The following GSTCD variants were observed in gnomAD, a reference collection of about 807,000 sequenced individuals.
GSTCD encodes glutathione S-transferase C-terminal domain-containing protein.
In GSTCD, 44 loss-of-function variants were observed where a neutral mutation model predicts 68.3. That is an observed-to-expected ratio of 0.64 (90% CI 0.51 to 0.83). The LOEUF (loss-of-function observed/expected upper bound fraction) is 0.83. Among genes scored for constraint, GSTCD ranks in the 40% least tolerant of loss-of-function variants. The pLI is 0.00. For synonymous variants in GSTCD, 273 were observed against 255.2 expected, an observed-to-expected ratio of 1.07 and a Z score of -0.67; for missense variants, 739 against 735.9, an observed-to-expected ratio of 1.00 and a Z score of -0.05.
intron 3 of GSTCD, among the ~76,000 whole-genome samples, chr4:105,724,418 T>G (rs529231275): frequency 1.3e-5 from 2 of 151,882 alleles, no homozygotes; most frequent in African/African-American, 4.8e-5. Context: ...AAAAAAAAAT[T>G]CTATAGTGCT....
intron 5 of GSTCD, among the ~76,000 whole-genome samples, chr4:105,819,383 CACATACTT>C (rs1723163143): frequency 6.6e-6 from 1 of 151,832 alleles, no homozygotes; most frequent in Non-Finnish European, 1.5e-5. Context: ...ATCTTCAATG[CACATACTT>C]TTGCACATAA....
At chr4:105,815,031 G>A (rs1203627736) in intron 5 of GSTCD, 1 of 152,204 alleles carries the variant, frequency 6.6e-6, no homozygotes, top group Non-Finnish European at 1.5e-5. Context: ...ACTATCTCAT[G>A]TATAGGTAGG....
rs1251033539 is a variant in GSTCD at position 105,847,444 on chromosome 4, A to G, written c.*1867A>G. On this transcript the variant is annotated 3_prime_UTR_variant, in exon 12 of 12. Transcript: ENST00000515279. ...ATTGTGGACTTTCTTCTTTTAAGTG[A>G]GGTTTAATTTATATACAATACAATA... The G allele has an allele frequency of 6.6e-6, 1 of 152,190 alleles. No homozygotes were observed. The highest frequency in any genetic ancestry group is 6.5e-5 in the Admixed American group (1 of 15,278). 9.4% of individuals were successfully genotyped at this position (152,190 alleles called of 1,614,324 possible).
intron 5 of GSTCD, among the ~76,000 whole-genome samples, chr4:105,798,544 G>A (rs1735989025): frequency 6.6e-6 from 1 of 152,142 alleles, no homozygotes; most frequent in Non-Finnish European, 1.5e-5. Context: ...CTTGAACCAT[G>A]AGCTGCAGAA....
At position 105,781,412 on chromosome 4, in the gene GSTCD, T is replaced by C. The variant is rs531415940; in HGVS notation, c.1241-41542T>C. Among the ~76,000 whole-genome samples, 565 of 125,462 alleles carry C rather than the reference T, an allele frequency of 4.5e-3. 5 individuals are homozygous for C. Among genetic ancestry groups the C allele is most frequent in the African/African-American group, 0.015 (537 of 35,526 alleles). 82.3% of individuals were successfully genotyped at this position (125,462 alleles called of 152,430 possible). On this transcript the variant is annotated intron_variant, in intron 5 of 11. Coordinates refer to ENST00000515279, the MANE Select transcript of GSTCD (RefSeq NM_001370181.1). ...ACAGGCGTGTGCCATCATGCTCAGC[T>C]TTTTTTTTTTTTTTAAAGTTTTTGT...
At chr4:105,740,107 C>T (rs956850904) in intron 5 of GSTCD, among the ~76,000 whole-genome samples, 1 of 152,028 alleles carries the variant, frequency 6.6e-6, no homozygotes, top group African/African-American at 2.4e-5. Context: ...AAGCAACACT[C>T]CAACATTAGT....
intron 5 of GSTCD, among the ~76,000 whole-genome samples, chr4:105,743,316 A>C (rs1237055469): frequency 6.6e-6 from 1 of 152,066 alleles, no homozygotes; most frequent in Non-Finnish European, 1.5e-5. Context: ...TTATTTATGT[A>C]CATGTTTTTT....
At chr4:105,804,330 T>A (rs1039016629) in intron 5 of GSTCD, among the ~76,000 whole-genome samples, 1 of 152,082 alleles carries the variant, frequency 6.6e-6, no homozygotes, top group Non-Finnish European at 1.5e-5. Context: ...TGAAAAGGAA[T>A]TATTCAAAAT....
intron 8 of GSTCD, 100 bp downstream of exon 8, chr4:105,825,900 C>A: frequency 1.5e-6 from 1 of 650,280 alleles, no homozygotes; most frequent in Non-Finnish European, 2.5e-6. Context: ...CTTTGCCAAA[C>A]AAATTTATAA....
chr4:105,826,379 T>C (rs1723608895), intron 8 of GSTCD, among the ~76,000 whole-genome samples: 1 of 152,106 alleles, frequency 6.6e-6, no homozygotes, highest in Non-Finnish European at 1.5e-5. Context: ...GGTTTTATTA[T>C]TTTTTGTAGA....
chr4:105,742,570 G>A (rs1310893646), intron 5 of GSTCD, among the ~76,000 whole-genome samples: 1 of 152,152 alleles, frequency 6.6e-6, no homozygotes, highest in Non-Finnish European at 1.5e-5. Flanking sequence ...GGTACAGTCG[G>A]TGCATTAATA....
At chr4:105,718,164 C>A (rs1732743521) in intron 2 of GSTCD, 125 bp downstream of exon 2, 1 of 738,306 alleles carries the variant, frequency 1.4e-6, no homozygotes, top group Non-Finnish European at 2.1e-6. Context: ...CCCCAGTAAC[C>A]AATGAAATAA....
intron 3 of GSTCD, among the ~76,000 whole-genome samples, chr4:105,725,026 T>C (rs1394649877): frequency 6.6e-6 from 1 of 151,888 alleles, no homozygotes; most frequent in Non-Finnish European, 1.5e-5. Context: ...TATAGAGGAG[T>C]TCTTAGAGAG....
At chr4:105,795,706 C>G (rs1369974435) in intron 5 of GSTCD, among the ~76,000 whole-genome samples, 1 of 152,156 alleles carries the variant, frequency 6.6e-6, no homozygotes, top group South Asian at 2.1e-4. Context: ...GATCCCTTCT[C>G]AGCTCCAGCC....
At chr4:105,723,426 T>G (rs1732934322) in intron 3 of GSTCD, among the ~76,000 whole-genome samples, 1 of 151,902 alleles carries the variant, frequency 6.6e-6, no homozygotes, top group African/African-American at 2.4e-5. Context: ...TGTACTGACT[T>G]TTTTCTTGTC....
chr4:105,824,775 C>A (rs1723501017), intron 7 of GSTCD, among the ~76,000 whole-genome samples: 1 of 152,040 alleles, frequency 6.6e-6, no homozygotes, highest in Admixed American at 6.6e-5. Context: ...CCCTTTACAC[C>A]CTGTCCCCCC....
chr4:105,806,908 C>T (rs1424542013), intron 5 of GSTCD, among the ~76,000 whole-genome samples: 1 of 152,012 alleles, frequency 6.6e-6, no homozygotes, highest in Non-Finnish European at 1.5e-5. Context: ...AGCAGTTTTT[C>T]TTATCAGTTA....
chr4:105,732,059 G>A (rs927574675), intron 5 of GSTCD, among the ~76,000 whole-genome samples: 8 of 152,316 alleles, frequency 5.3e-5, no homozygotes, highest in Non-Finnish European at 7.3e-5. Context: ...GATCATGGTG[G>A]ATAAGCTCTT....
chr4:105,750,805 A>G (rs1335816435), intron 5 of GSTCD, among the ~76,000 whole-genome samples: 1 of 152,238 alleles, frequency 6.6e-6, no homozygotes, highest in Non-Finnish European at 1.5e-5. Flanking sequence ...ACTATTCAGC[A>G]GTAACAAAGA....
Sources: allele counts gnomAD v4.1 joint callset (sites outside exome capture counted in the v4.1 genomes callset), GRCh38; gene constraint gnomAD v4.1.1; transcripts MANE v1.5; gene names NCBI Gene and HGNC (gene_info 2026-07-23, HGNC 2026-07-21).